The following DAW1 variants were observed in gnomAD, a reference collection of about 807,000 sequenced individuals.
DAW1 encodes the protein dynein assembly factor with WD repeat domains 1.
A neutral mutation model predicts 56.5 loss-of-function variants in DAW1; 47 were observed. That is an observed-to-expected ratio of 0.83 (90% CI 0.66 to 1.06). The LOEUF (loss-of-function observed/expected upper bound fraction) is 1.06. Ranked by LOEUF, DAW1 falls within the 50% of genes least tolerant of loss-of-function variation. DAW1 has a pLI of 0.00. For synonymous variants in DAW1, 190 were observed against 179.0 expected (o/e 1.06, Z -0.49); for missense variants, 505 against 499.3 (o/e 1.01, Z -0.11).
intron 5 of DAW1, 99 bp downstream of exon 5, chr2:227,894,016 G>A: frequency 7.6e-7 from 1 of 1,314,976 alleles, no homozygotes; most frequent in Non-Finnish European, 1.0e-6. Context: ...TAAATTTATT[G>A]AGTGCTTGGT....
At chr2:227,922,297 G>T (rs916221652) in intron 12 of DAW1, among the ~76,000 whole-genome samples, 2 of 152,194 alleles carry the variant, frequency 1.3e-5, no homozygotes, top group African/African-American at 4.8e-5. Context: ...CTAATGTCTG[G>T]GGGGAAAGAA....
chr2:227,895,620 C>T (rs16824173), intron 5 of DAW1: 10,409 of 152,232 alleles, frequency 0.068, 365 homozygotes, highest in Middle Eastern at 0.1. Flanking sequence ...GGGGATTCAT[C>T]GGGCACACTC....
intron 11 of DAW1, 68 bp from the exon 12 acceptor site, chr2:227,921,331 T>TG: frequency 3.4e-6 from 1 of 295,574 alleles, no homozygotes; most frequent in Non-Finnish European, 5.3e-6. Context: ...TTTTTTTTTT[T>TG]TTGCTGATAA....
chr2:227,881,151 G>T (rs1304932982), intron 1 of DAW1, among the ~76,000 whole-genome samples: 1 of 152,184 alleles, frequency 6.6e-6, no homozygotes, highest in African/African-American at 2.4e-5. Flanking sequence ...TTTCTGAAAG[G>T]CCACGTGCTG....
chr2:227,883,701 G>C (rs1691061230), intron 1 of DAW1, among the ~76,000 whole-genome samples: 1 of 152,164 alleles, frequency 6.6e-6, no homozygotes, highest in Non-Finnish European at 1.5e-5. Flanking sequence ...CTTGAATGCA[G>C]AAGCAGAGAT....
intron 6 of DAW1, 25 bp from the exon 7 acceptor site, chr2:227,902,977 A>T (rs1379607492): frequency 3.7e-6 from 6 of 1,608,232 alleles, no homozygotes; most frequent in Non-Finnish European, 5.1e-6. Context: ...TCTTCCTAAA[A>T]TTTCTCCCAT....
chr2:227,910,371 G>A (rs527600245), intron 10 of DAW1, among the ~76,000 whole-genome samples: 10 of 152,202 alleles, frequency 6.6e-5, no homozygotes, highest in African/African-American at 2.4e-4. Flanking sequence ...TACTCAGTAA[G>A]CTGAGGAAAA....
intron 4 of DAW1, among the ~76,000 whole-genome samples, chr2:227,892,137 A>ATTTTTT (rs202082179): frequency 6.8e-6 from 1 of 147,398 alleles, no homozygotes; most frequent in African/African-American, 2.5e-5. Context: ...TAACTTAATA[A>ATTTTTT]TTTTTTTTTT....
intron 12 of DAW1, among the ~76,000 whole-genome samples, chr2:227,923,693 G>A (rs1692159869): frequency 1.3e-5 from 2 of 151,854 alleles, no homozygotes; most frequent in Admixed American, 6.6e-5. Flanking sequence ...AATCTTGCTA[G>A]TGTAAGTAAG....
intron 12 of DAW1, among the ~76,000 whole-genome samples, chr2:227,923,151 C>A (rs1692148076): frequency 6.6e-6 from 1 of 152,226 alleles, no homozygotes; most frequent in Non-Finnish European, 1.5e-5. Flanking sequence ...TTAACATTGG[C>A]TCACTAGACA....
chr2:227,906,364 G>A (rs773225746), intron 9 of DAW1, 26 bp downstream of exon 9: 20 of 1,538,280 alleles, frequency 1.3e-5, no homozygotes, highest in Non-Finnish European at 1.8e-5. Context: ...AAATATCTTT[G>A]CTTTATATTG....
intron 6 of DAW1, among the ~76,000 whole-genome samples, chr2:227,899,490 T>C (rs774068810): frequency 3.3e-5 from 5 of 152,220 alleles, no homozygotes; most frequent in Non-Finnish European, 5.9e-5. Context: ...AAACAAAATA[T>C]AACCACCTCT....
At chr2:227,890,481 G>A (rs1691237713) in intron 3 of DAW1, among the ~76,000 whole-genome samples, 1 of 151,936 alleles carries the variant, frequency 6.6e-6, no homozygotes. Flanking sequence ...AAATATAGTC[G>A]TTTAGTACTT....
intron 10 of DAW1, among the ~76,000 whole-genome samples, chr2:227,914,614 A>G (rs1002490442): frequency 6.6e-6 from 1 of 152,018 alleles, no homozygotes; most frequent in Non-Finnish European, 1.5e-5. Flanking sequence ...CATCCCCCTT[A>G]TGCCCACATT....
intron 7 of DAW1, among the ~76,000 whole-genome samples, chr2:227,903,638 T>TCTCGCCTTCCTCCCACC (rs1691604296): frequency 8.0e-6 from 1 of 124,460 alleles, no homozygotes; most frequent in African/African-American, 3.3e-5. Context: ...CATCTGTCAC[T>TCTCGCCTTCCTCCCACC]CTCCCCTTCC....
chr2:227,922,688 C>T (rs1303975421), intron 12 of DAW1, among the ~76,000 whole-genome samples: 2 of 152,192 alleles, frequency 1.3e-5, no homozygotes, highest in African/African-American at 4.8e-5. Context: ...CCCCTTACCA[C>T]CTAAAATGCC....
At position 227,921,504 on chromosome 2, in the gene DAW1, C is replaced by A; in HGVS notation, c.1156C>A (p.His386Asn). 2.5e-6 allele frequency: 4 copies of A among 1,613,916 alleles called. No homozygotes were observed. Among genetic ancestry groups the A allele is most frequent in the Non-Finnish European group, 3.4e-6 (4 of 1,179,974 alleles). Residue 386 changes from histidine (H) to asparagine (N), a missense_variant, in exon 12 of 13, where the codon CAC (histidine) becomes AAC (asparagine). His to Asn is a moderately conservative substitution (Grantham distance 68, BLOSUM62 1). Transcript: ENST00000309931. The stretch of plus-strand genomic sequence containing the variant: ...CCAGTGCCTCCAGGTTCTTGAGGGG[C>A]ACACTGATGAAATCTTTTCATGTGC... ...TGQCLQVLEG[H>N]TDEIFSCAFN... is the part of the protein sequence containing the mutation.
intron 11 of DAW1, among the ~76,000 whole-genome samples, chr2:227,919,730 C>T (rs1285999070): frequency 6.6e-6 from 1 of 152,188 alleles, no homozygotes; most frequent in Non-Finnish European, 1.5e-5. Context: ...TTAGATGTGT[C>T]ATCAGAACTT....
intron 1 of DAW1, among the ~76,000 whole-genome samples, chr2:227,879,928 C>T (rs1277496116): frequency 6.6e-6 from 1 of 152,058 alleles, no homozygotes; most frequent in Non-Finnish European, 1.5e-5. Context: ...TGTATCAAAA[C>T]CACACTTTAT....
Sources: gnomAD v4.1 joint callset for allele counts (sites outside exome capture counted in the v4.1 genomes callset) on GRCh38, gnomAD v4.1.1 for gene constraint, MANE v1.5 for transcripts, NCBI Gene and HGNC (gene_info 2026-07-23, HGNC 2026-07-21) for gene names.